TTLL10: variants seen among roughly 807,000 people sequenced by gnomAD.
TTLL10 encodes the protein inactive polyglycylase TTLL10.
In TTLL10, 61 loss-of-function variants were observed where a neutral mutation model predicts 69.0. That is an observed-to-expected ratio of 0.88 (90% confidence interval 0.72 to 1.09). The LOEUF is 1.09. Among genes scored for constraint, TTLL10 ranks in the 50% least tolerant of loss-of-function variants. TTLL10 has a pLI of 0.00. For synonymous variants in TTLL10, 408 were observed against 393.3 expected (o/e 1.04, Z -0.44); for missense variants, 962 against 945.9 (o/e 1.02, Z -0.22).
intron 10 of TTLL10, among the ~76,000 whole-genome samples, 187 bp downstream of exon 10, chr1:1,182,633 G>A (rs1282546848): frequency 6.6e-6 from 1 of 152,150 alleles, no homozygotes. Context: ...TTGGAAAGGG[G>A]AGGGTCTGGC....
chr1:1,184,207 G>A (rs1005600075), intron 12 of TTLL10, 116 bp downstream of exon 12: 72 of 1,434,666 alleles, frequency 5.0e-5, no homozygotes, highest in African/African-American at 3.1e-4. Flanking sequence ...GGCCCAGGCC[G>A]GGAGGTGTCT....
At chr1:1,196,030 C>A (rs1317421622) in intron 13 of TTLL10, among the ~76,000 whole-genome samples, 1 of 152,070 alleles carries the variant, frequency 6.6e-6, no homozygotes, top group Non-Finnish European at 1.5e-5. Flanking sequence ...CCTGCCTCAG[C>A]CTCCCAAACT....
intron 11 of TTLL10, 85 bp from the exon 12 acceptor site, chr1:1,183,835 G>T: frequency 6.4e-7 from 1 of 1,557,922 alleles, no homozygotes; most frequent in Non-Finnish European, 8.8e-7. Flanking sequence ...TGAGGAAATG[G>T]AACAGGCCCG....
chr1:1,196,364 T>C, intron 13 of TTLL10: 1 of 519,074 alleles, frequency 1.9e-6, no homozygotes, highest in Non-Finnish European at 3.5e-6. Context: ...CCTGTGAGTT[T>C]TCCTCACTCT....
chr1:1,179,824 C>T (rs866906574), intron 5 of TTLL10, 87 bp downstream of exon 5: 9 of 1,469,040 alleles, frequency 6.1e-6, no homozygotes, highest in Middle Eastern at 4.4e-4. Flanking sequence ...AAGCCTGGCC[C>T]TGGAGGGTGG....
rs1416138073 is a variant in TTLL10 at position 1,181,346 on chromosome 1, C to T, written c.756-395C>T. Among the ~76,000 whole-genome samples, 6 of 152,004 alleles carry T rather than the reference C, an allele frequency of 3.9e-5. No individual in the cohort carries two copies. Among genetic ancestry groups the T allele is most frequent in the African/African-American group, 1.5e-4 (6 of 41,362 alleles). Reference sequence around the variant, plus strand: ...GGGTGCCCTGAGTGAGGCCGTCCATCGCTCACCCAAGTCTGGGCCATCCAT... The same window carrying T: ...GGGTGCCCTGAGTGAGGCCGTCCATTGCTCACCCAAGTCTGGGCCATCCAT... On this transcript the variant is annotated intron_variant, in intron 8 of 15. Coordinates refer to ENST00000379289, the MANE Select transcript of TTLL10 (RefSeq NM_001130045.2). This position sits in a 1 kb window ranked among gnomAD's most constrained non-coding sequence, Gnocchi z 4.6.
intron 5 of TTLL10, 61 bp downstream of exon 5, chr1:1,179,798 G>A (rs934931703): frequency 2.0e-6 from 3 of 1,484,738 alleles, no homozygotes; most frequent in Admixed American, 4.5e-5. Context: ...ACCCCCACCT[G>A]GAACCTGCCG....
intron 13 of TTLL10, 72 bp from the exon 14 acceptor site, chr1:1,196,528 G>A: frequency 8.8e-7 from 1 of 1,140,712 alleles, no homozygotes; most frequent in Non-Finnish European, 1.3e-6. Context: ...GGATGTGGCT[G>A]TGGCTGTTCA....
chr1:1,181,095 C>G lies in TTLL10; in HGVS notation c.755+235C>G, dbSNP rs1557478188. ...CCCCACCCGTCAGCACCTGCCTCCA[C>G]CTTCCACCTGTCCTTTAAAGGGCCA... On this transcript the variant is annotated intron_variant, in intron 8 of 15. Coordinates refer to ENST00000379289, the MANE Select transcript of TTLL10 (RefSeq NM_001130045.2). The surrounding 1 kb of genome is among the most constrained non-coding windows in gnomAD (Gnocchi z 4.6). 6.6e-6 allele frequency among the ~76,000 whole-genome samples: 1 copy of G among 150,950 alleles called. No homozygotes were observed.
Position 1,187,142 on chromosome 1 carries a change from G to A in TTLL10, c.1401+2033G>A, listed in dbSNP as rs546149874. On this transcript the variant is annotated intron_variant, in intron 13 of 15. Transcript: ENST00000379289. ...ATTATAGGTGTGAGCCACCGCGCCCGGCCAAAAGTTCTTTACATATTCTAA... is the reference window on the plus strand; with the variant it reads ...ATTATAGGTGTGAGCCACCGCGCCCAGCCAAAAGTTCTTTACATATTCTAA... 9.6e-4 allele frequency among the ~76,000 whole-genome samples: 145 copies of A among 151,442 alleles called. 1 individual carries two copies. Among genetic ancestry groups the A allele is most frequent in the African/African-American group, 3.0e-3 (125 of 41,414 alleles).
At chr1:1,179,636 A>G (rs1383340117) in intron 4 of TTLL10, 21 bp from the exon 5 acceptor site, 4 of 1,550,738 alleles carry the variant, frequency 2.6e-6, no homozygotes, top group Non-Finnish European at 3.5e-6. Context: ...CATCATGGAC[A>G]TTGTGACCCC....
At chr1:1,186,646 G>T (rs1413585117) in intron 13 of TTLL10, among the ~76,000 whole-genome samples, 1 of 152,076 alleles carries the variant, frequency 6.6e-6, no homozygotes, top group Non-Finnish European at 1.5e-5. Context: ...GCCAACACTT[G>T]TTATTTTCCT....
Position 1,192,720 on chromosome 1 carries a change from G to C in TTLL10, c.1402-3880G>C, listed in dbSNP as rs764747808. The stretch of plus-strand genomic sequence containing the variant: ...TGGTATGAGTGTAGACACTCCAGTT[G>C]ATATCAGTGTAGACACTCCAGTTGG... On this transcript the variant is annotated intron_variant, in intron 13 of 15. Transcript: ENST00000379289. Among the ~76,000 whole-genome samples the C allele has an allele frequency of 4.0e-3, 497 of 124,676 alleles. 18 individuals are homozygous for C. The highest frequency in any genetic ancestry group is 9.9e-3 in the African/African-American group (243 of 24,532). The allele number at this position is 124,676 out of a possible 152,430, so 81.8% of individuals were successfully genotyped here.
intron 13 of TTLL10, among the ~76,000 whole-genome samples, chr1:1,192,244 G>A (rs189103103): frequency 3.3e-5 from 5 of 152,332 alleles, no homozygotes; most frequent in East Asian, 1.9e-4. Context: ...TGTATATTTC[G>A]AGGCTCTGTT....
chr1:1,183,864 T>TGCAGGCCAGGCTGGCCCCGTGGC, intron 11 of TTLL10, 56 bp from the exon 12 acceptor site: 1 of 1,605,464 alleles, frequency 6.2e-7, no homozygotes, highest in Non-Finnish European at 8.5e-7. Flanking sequence ...TGTGAGGGGA[T>TGCAGGCCAGGCTGGCCCCGTGGC]GCAGGCCAGG....
Position 1,185,148 on chromosome 1 carries a change from C to T in TTLL10, c.1401+39C>T, listed in dbSNP as rs373511291. 10 of 1,602,272 alleles carry T rather than the reference C, an allele frequency of 6.2e-6. No individual in the cohort carries two copies. Among genetic ancestry groups the T allele is most frequent in the Non-Finnish European group, 8.5e-6 (10 of 1,172,884 alleles). On this transcript the variant is annotated intron_variant, in intron 13 of 15. Coordinates refer to ENST00000379289, the MANE Select transcript of TTLL10 (RefSeq NM_001130045.2). The surrounding 1 kb of genome is among the most constrained non-coding windows in gnomAD (Gnocchi z 6.1). ...GCCCTCCAGTCTGGGAGTGAGATCC[C>T]TCGGGGCGGGGGTGTGTGGTCAGGC...
chr1:1,180,321 G>A lies in TTLL10; in HGVS notation c.487G>A (p.Gly163Ser), dbSNP rs753251465. The A allele has an allele frequency of 3.2e-6, 5 of 1,577,678 alleles. No homozygotes were observed. Among genetic ancestry groups the A allele is most frequent in the African/African-American group, 2.7e-5 (2 of 74,014 alleles). The change falls in exon 6 of 16, where the codon GGC becomes AGC. Residue 163 changes from glycine (G) to serine (S), a missense_variant. Transcript: ENST00000379289. ...GCCGGGGCCCTTCTTCTACATTGGA[G>A]GCAGCAACGGGGCCACAATGTGAGT... ...TRPGPFFYIG[G>S]SNGATIISSY...
rs201157665 is a variant in TTLL10, at chr1:1,182,420, G to A, written c.890G>A (p.Arg297Lys). The change falls in exon 10 of 16, where the codon AGA becomes AAA. Residue 297 changes from arginine to lysine, a missense_variant. Coordinates refer to ENST00000379289, the MANE Select transcript of TTLL10 (RefSeq NM_001130045.2). The stretch of plus-strand genomic sequence containing the variant: ...TACCGCCTGGACCTCAAACACGAGA[G>A]AGAGGCCTTTTTCACCTTGTTTGAT... ...ETYRLDLKHE[R>K]EAFFTLFDET... 4.1e-5 allele frequency: 66 copies of A among 1,613,922 alleles called. No individual in the cohort carries two copies. The highest frequency in any genetic ancestry group is 5.1e-5 in the Non-Finnish European group (60 of 1,179,970).
At chr1:1,177,602 C>T (rs6671609) in intron 3 of TTLL10, among the ~76,000 whole-genome samples, 34,045 of 152,212 alleles carry the variant, frequency 0.22, 5,018 homozygotes, top group African/African-American at 0.41. Context: ...TGAGCCTCCG[C>T]GCCCGGCTGT....
Sources: gnomAD v4.1 joint callset for allele counts (sites outside exome capture counted in the v4.1 genomes callset) on GRCh38, gnomAD v4.1.1 for gene constraint, Gnocchi (gnomAD v3.1) non-coding constraint, MANE v1.5 for transcripts, NCBI Gene and HGNC (gene_info 2026-07-23, HGNC 2026-07-21) for gene names.